Variants in SLC7A2 observed in about 807,000 individuals in gnomAD.
The protein encoded by SLC7A2 is cationic amino acid transporter 2.
In SLC7A2, 48 loss-of-function variants were observed where a neutral mutation model predicts 58.9. The observed-to-expected ratio is 0.82, with a 90% CI of 0.65 to 1.04. The LOEUF is 1.04. SLC7A2 is among the 50% of genes least tolerant of loss of function. SLC7A2 has a pLI of 0.00. For synonymous variants in SLC7A2, 363 were observed against 314.5 expected, an observed-to-expected ratio of 1.15 and a Z score of -1.63; for missense variants, 1,029 against 818.8, an observed-to-expected ratio of 1.26 and a Z score of -3.13.
chr8:17,550,288 T>C lies in SLC7A2; in HGVS notation c.699-13T>C, dbSNP rs927469609. 26 of 1,612,468 alleles carry C rather than the reference T, an allele frequency of 1.6e-5. No individual in the cohort carries two copies. The highest frequency in any genetic ancestry group is 2.0e-5 in the Non-Finnish European group (24 of 1,179,362). On this transcript the variant is annotated splice_polypyrimidine_tract_variant and intron_variant, in intron 5 of 12. Coordinates refer to ENST00000494857, the MANE Select transcript of SLC7A2 (RefSeq NM_001370338.1). ...TCAAAGTGACTTTCCAATGTGTTTG[T>C]TCTCTTTCTTAGAGAGCCACCTTCT... is the stretch of plus-strand genomic sequence containing the variant.
At chr8:17,519,550 G>C (rs1800933380) in intron 2 of SLC7A2, among the ~76,000 whole-genome samples, 1 of 152,052 alleles carries the variant, frequency 6.6e-6, no homozygotes. Flanking sequence ...TGTCCCTCCG[G>C]GTCAGCCTTC....
At chr8:17,545,832 G>C (rs2245492) in intron 4 of SLC7A2, among the ~76,000 whole-genome samples, 108,062 of 151,814 alleles carry the variant, frequency 0.71, 38,938 homozygotes, top group East Asian at 0.9. Context: ...ATGCTTTCTT[G>C]TCCGACCTTA....
intron 7 of SLC7A2, 101 bp downstream of exon 7, chr8:17,552,087 AAC>A: frequency 2.5e-6 from 2 of 789,870 alleles, no homozygotes; most frequent in South Asian, 3.4e-5. Flanking sequence ...TCCTAATAGA[AAC>A]AAAATATTAT....
chr8:17,563,572 G>T, intron 11 of SLC7A2, 31 bp from the exon 12 acceptor site: 2 of 1,311,288 alleles, frequency 1.5e-6, no homozygotes, highest in East Asian at 4.6e-5. Flanking sequence ...CAAAATATGA[G>T]TATGTTCAAA....
chr8:17,555,926 G>A (rs1162679182), intron 8 of SLC7A2, among the ~76,000 whole-genome samples: 2 of 152,112 alleles, frequency 1.3e-5, no homozygotes, highest in Non-Finnish European at 1.5e-5. Flanking sequence ...AACAATCTTG[G>A]CACTATAAAT....
intron 5 of SLC7A2, 99 bp downstream of exon 5, chr8:17,548,942 C>T: frequency 2.1e-6 from 2 of 951,886 alleles, no homozygotes; most frequent in South Asian, 1.7e-5. Context: ...AAGACATACC[C>T]ATGACTGGGT....
intron 2 of SLC7A2, among the ~76,000 whole-genome samples, chr8:17,515,814 A>T (rs1483827526): frequency 2.6e-5 from 4 of 152,146 alleles, no homozygotes; most frequent in African/African-American, 9.7e-5. Flanking sequence ...TCTAACTAAA[A>T]CTGTTCCACA....
At chr8:17,546,843 A>C (rs1430462675) in intron 4 of SLC7A2, among the ~76,000 whole-genome samples, 2 of 152,188 alleles carry the variant, frequency 1.3e-5, no homozygotes, top group Non-Finnish European at 2.9e-5. Flanking sequence ...GTAAAAGATA[A>C]ACTTTCTTAG....
intron 4 of SLC7A2, among the ~76,000 whole-genome samples, chr8:17,546,452 C>T (rs1210945919): frequency 3.3e-5 from 5 of 152,284 alleles, no homozygotes; most frequent in African/African-American, 7.2e-5. Flanking sequence ...TAAAGATACA[C>T]GGGAAGTGTA....
chr8:17,536,687 TA>T, intron 2 of SLC7A2, among the ~76,000 whole-genome samples: 1 of 152,236 alleles, frequency 6.6e-6, no homozygotes, highest in Non-Finnish European at 1.5e-5. Flanking sequence ...AAATTAGAGT[TA>T]TTCTATCACG....
chr8:17,533,545 T>C (rs1197999311), intron 2 of SLC7A2, among the ~76,000 whole-genome samples: 2 of 152,142 alleles, frequency 1.3e-5, no homozygotes, highest in African/African-American at 4.8e-5. Context: ...GGGTGCAGGG[T>C]GGTGATTTGA....
chr8:17,496,739 G>C (rs7830488), upstream of SLC7A2, among the ~76,000 whole-genome samples: 71,137 of 152,014 alleles, frequency 0.47, 17,060 homozygotes, highest in East Asian at 0.77. Context: ...TAAACGGGGG[G>C]ACCAAAACCC....
intron 2 of SLC7A2, among the ~76,000 whole-genome samples, chr8:17,506,449 T>G (rs1410629913): frequency 6.6e-6 from 1 of 152,326 alleles, no homozygotes; most frequent in Admixed American, 6.5e-5. Context: ...TCACAGTACA[T>G]TTAAAACTGT....
chr8:17,498,867 G>A (rs71526132), intron 1 of SLC7A2: 9,378 of 152,294 alleles, frequency 0.062, 339 homozygotes, highest in South Asian at 0.11. Flanking sequence ...CTGGGAAGGC[G>A]AATAGAAGCT....
At position 17,543,487 on chromosome 8, in the gene SLC7A2, G is replaced by A. The variant is rs930837540; in HGVS notation, c.148G>A (p.Ala50Thr). The change falls in exon 3 of 13, where the codon GCC becomes ACC. Residue 50 changes from alanine to threonine, a missense_variant. Transcript: ENST00000494857. ...CCTGGGCGTTGGAAGCACCCTTGGG[G>A]CCGGGGTTTATGTCCTCGCTGGGGA... Reference protein sequence around the residue: ...IALGVGSTLGAGVYVLAGEVA... With the variant: ...IALGVGSTLGTGVYVLAGEVA... 2 of 1,614,112 alleles carry A rather than the reference G, an allele frequency of 1.2e-6. No homozygotes were observed. The highest frequency in any genetic ancestry group is 3.3e-5 in the Admixed American group (2 of 60,006).
At chr8:17,495,134 T>C (rs1393409717), upstream of SLC7A2, among the ~76,000 whole-genome samples, 2 of 152,262 alleles carry the variant, frequency 1.3e-5, no homozygotes, top group Non-Finnish European at 2.9e-5. Context: ...TCTATTTTTT[T>C]ATTTTTTCTT....
chr8:17,564,972 T>A lies in SLC7A2; in HGVS notation c.1803T>A (p.Tyr601Ter). 6.3e-7 allele frequency: 1 copy of A among 1,585,558 alleles called. No individual in the cohort carries two copies. Among genetic ancestry groups the A allele is most frequent in the Non-Finnish European group, 8.6e-7 (1 of 1,169,366 alleles). ...MAIGFLIYFS[Y>*]GIRHSLEGHL... ...CAGGCTTCCTGATTTACTTTTCTTA[T>A]GGCATTAGACACAGCCTGGAGGGTC... Residue 601 changes from tyrosine (Y) to a stop codon, truncating the protein, a stop_gained, in exon 13 of 13, where the codon TAT becomes TAA. Coordinates refer to ENST00000494857, the MANE Select transcript of SLC7A2 (RefSeq NM_001370338.1). LOFTEE classifies it high-confidence loss of function.
chr8:17,533,229 C>T (rs1386433260), intron 2 of SLC7A2, among the ~76,000 whole-genome samples: 1 of 152,188 alleles, frequency 6.6e-6, no homozygotes, highest in African/African-American at 2.4e-5. Flanking sequence ...TATCAAGAAG[C>T]TAACGATAAA....
intron 2 of SLC7A2, among the ~76,000 whole-genome samples, chr8:17,516,706 G>A (rs1414404454): frequency 2.0e-5 from 3 of 152,166 alleles, no homozygotes; most frequent in Non-Finnish European, 4.4e-5. Context: ...TTTAAGTGAT[G>A]ACATGGTCTC....
Sources: gnomAD v4.1 joint callset for allele counts (sites outside exome capture counted in the v4.1 genomes callset) on GRCh38, gnomAD v4.1.1 for gene constraint, MANE v1.5 for transcripts, NCBI Gene and HGNC (gene_info 2026-07-23, HGNC 2026-07-21) for gene names.